Variants in NKAIN2 observed in about 807,000 individuals in gnomAD.
NKAIN2 encodes sodium/potassium transporting ATPase interacting 2, also known as sodium/potassium-transporting ATPase subunit beta-1-interacting protein 2.
A neutral mutation model predicts 32.6 loss-of-function variants in NKAIN2; 14 were observed. The observed-to-expected ratio is 0.43, with a 90% confidence interval of 0.28 to 0.67. The LOEUF (loss-of-function observed/expected upper bound fraction) is 0.67. NKAIN2 is among the 30% of genes least tolerant of loss of function. The probability of loss-of-function intolerance (pLI) is 0.17; values close to 1 mark genes in which losing one functional copy is unlikely to be tolerated. For synonymous variants in NKAIN2, 80 were observed against 87.2 expected (o/e 0.92, Z 0.46); for missense variants, 198 against 258.3 (o/e 0.77, Z 1.60).
intron 1 of NKAIN2, among the ~76,000 whole-genome samples, chr6:123,822,287 G>T (rs533510772): frequency 6.6e-5 from 10 of 151,564 alleles, no homozygotes; most frequent in Non-Finnish European, 4.4e-5. Flanking sequence ...TCCTAACATT[G>T]GACATTTCTG....
At chr6:124,016,559 C>A (rs1780582165) in intron 1 of NKAIN2, among the ~76,000 whole-genome samples, 1 of 151,996 alleles carries the variant, frequency 6.6e-6, no homozygotes, top group Admixed American at 6.6e-5. Flanking sequence ...CAGTTTTCTC[C>A]CCTCAAGGAA....
chr6:124,788,590 C>T (rs1427557374), intron 4 of NKAIN2, among the ~76,000 whole-genome samples: 1 of 152,010 alleles, frequency 6.6e-6, no homozygotes, highest in Non-Finnish European at 1.5e-5. Flanking sequence ...AGAATGAGAA[C>T]AAAGGAGGAG....
intron 1 of NKAIN2, among the ~76,000 whole-genome samples, chr6:124,218,055 C>T (rs1260627186): frequency 2.7e-5 from 4 of 149,604 alleles, no homozygotes; most frequent in African/African-American, 4.9e-5. Context: ...AAGAGGAATT[C>T]GTCTAGTAAA....
intron 1 of NKAIN2, among the ~76,000 whole-genome samples, chr6:123,998,718 G>T (rs1231354388): frequency 1.3e-5 from 2 of 148,252 alleles, no homozygotes; most frequent in South Asian, 2.2e-4. Flanking sequence ...AATGGATAAA[G>T]AAATTGTTGT....
chr6:124,095,976 C>A (rs1784631591), intron 1 of NKAIN2, among the ~76,000 whole-genome samples: 1 of 151,986 alleles, frequency 6.6e-6, no homozygotes, highest in South Asian at 2.1e-4. Flanking sequence ...TCTTATTTAT[C>A]TAGGAAAATT....
intron 2 of NKAIN2, among the ~76,000 whole-genome samples, chr6:124,286,855 TATTTTTTC>T (rs765595950): frequency 2.0e-5 from 3 of 152,082 alleles, no homozygotes; most frequent in Non-Finnish European, 2.9e-5. Flanking sequence ...CTCATTTTTG[TATTTTTTC>T]AGTAGAGACG....
chr6:124,599,620 G>A (rs796626317), intron 3 of NKAIN2, among the ~76,000 whole-genome samples: 3 of 152,136 alleles, frequency 2.0e-5, no homozygotes, highest in Non-Finnish European at 2.9e-5. Flanking sequence ...TTGGGTGAAG[G>A]CTAGAAATAA....
chr6:124,299,581 ATGT>A (rs1253986762), intron 2 of NKAIN2, among the ~76,000 whole-genome samples: 1 of 152,224 alleles, frequency 6.6e-6, no homozygotes, highest in African/African-American at 2.4e-5. Context: ...TGATAAAAAA[ATGT>A]TGTTTCTATG....
intron 1 of NKAIN2, among the ~76,000 whole-genome samples, chr6:124,068,891 G>GTCTACCATCC (rs1783313901): frequency 1.3e-5 from 2 of 152,046 alleles, no homozygotes; most frequent in African/African-American, 2.4e-5. Flanking sequence ...GTGGATGGTA[G>GTCTACCATCC]ACTCTCGAGC....
intron 3 of NKAIN2, among the ~76,000 whole-genome samples, chr6:124,360,611 AAAT>A (rs1210342369): frequency 2.0e-5 from 3 of 152,180 alleles, no homozygotes; most frequent in Admixed American, 2.0e-4. Context: ...AGAAAAATAA[AAAT>A]AATCCACCGG....
chr6:124,648,140 C>T (rs1784245047), intron 3 of NKAIN2, among the ~76,000 whole-genome samples: 1 of 152,084 alleles, frequency 6.6e-6, no homozygotes, highest in Non-Finnish European at 1.5e-5. Flanking sequence ...CTCAGCTCCA[C>T]TGAAAAGAAA....
chr6:124,573,271 A>G (rs578127552), intron 3 of NKAIN2, among the ~76,000 whole-genome samples: 4 of 152,330 alleles, frequency 2.6e-5, no homozygotes, highest in South Asian at 2.1e-4. Context: ...TTGGATGTTC[A>G]GGCAGCAGCA....
intron 1 of NKAIN2, among the ~76,000 whole-genome samples, chr6:124,127,292 A>T (rs551614149): frequency 6.6e-6 from 1 of 152,266 alleles, no homozygotes; most frequent in Admixed American, 6.5e-5. Flanking sequence ...ATGAGCTGGT[A>T]TAGTCACGGT....
chr6:124,042,460 A>G lies in NKAIN2; in HGVS notation c.54+238206A>G, dbSNP rs111257025. 8.3e-3 allele frequency among the ~76,000 whole-genome samples: 1,260 copies of G among 152,176 alleles called. 14 individuals carry two copies. Among genetic ancestry groups the G allele is most frequent in the African/African-American group, 0.029 (1,211 of 41,544 alleles). On this transcript the variant is annotated intron_variant, in intron 1 of 6. Transcript: ENST00000368417. ...TCCAAATATTATTGCATTATTTAGA[A>G]GATCATTTCCTTATTCTACTCCTTA...
chr6:124,232,071 TTTTTAAGAATCGG>T (rs1241093898), intron 1 of NKAIN2, among the ~76,000 whole-genome samples: 1 of 152,166 alleles, frequency 6.6e-6, no homozygotes, highest in Non-Finnish European at 1.5e-5. Flanking sequence ...TCTCACAAAC[TTTTTAAGAATCGG>T]TCGACATTCA....
At chr6:123,938,170 T>C (rs1776609393) in intron 1 of NKAIN2, among the ~76,000 whole-genome samples, 1 of 151,750 alleles carries the variant, frequency 6.6e-6, no homozygotes, top group Non-Finnish European at 1.5e-5. Context: ...CTAAATAAGA[T>C]TTCATGGCTT....
In NKAIN2 at chr6:124,823,393, CA is replaced by C; in HGVS notation, c.*165del. ...CATACAACACTGACACACACACACA[CA>C]CACACGTGAGCACGCACACACCAAT... On this transcript the variant is annotated 3_prime_UTR_variant, in exon 7 of 7. Transcript: ENST00000368417. The C allele has an allele frequency of 1.5e-6, 1 of 662,260 alleles. No individual in the cohort carries two copies. The highest frequency in any genetic ancestry group is 2.7e-6 in the Non-Finnish European group (1 of 366,566). 41.0% of individuals were successfully genotyped at this position (662,260 alleles called of 1,614,324 possible). A position where few individuals can be genotyped will look rare whatever the true frequency, so the allele number is the denominator to read the frequency against.
At chr6:123,993,939 T>A (rs1779511671) in intron 1 of NKAIN2, among the ~76,000 whole-genome samples, 1 of 152,178 alleles carries the variant, frequency 6.6e-6, no homozygotes, top group Non-Finnish European at 1.5e-5. Context: ...AACCATAATT[T>A]GGGCGACCTT....
intron 1 of NKAIN2, among the ~76,000 whole-genome samples, chr6:124,128,029 A>G (rs1398579533): frequency 6.6e-6 from 1 of 152,084 alleles, no homozygotes; most frequent in Admixed American, 6.6e-5. Flanking sequence ...GGGCTTCACC[A>G]TGTTGGCCAG....
Sources: gnomAD v4.1 joint callset for allele counts (sites outside exome capture counted in the v4.1 genomes callset) on GRCh38, gnomAD v4.1.1 for gene constraint, MANE v1.5 for transcripts, NCBI Gene and HGNC (gene_info 2026-07-23, HGNC 2026-07-21) for gene names.